LUZP2: variants seen among roughly 807,000 people sequenced by gnomAD.
LUZP2 encodes leucine zipper protein 2.
A neutral mutation model predicts 51.6 loss-of-function variants in LUZP2; 52 were observed. That is an observed-to-expected ratio of 1.01 (90% CI 0.81 to 1.27). The LOEUF is 1.27. Ranked by LOEUF, LUZP2 falls within the 50% of genes most tolerant of loss-of-function variation. The pLI, the probability that LUZP2 is intolerant of heterozygous loss-of-function variation, is 0.00. For missense variants in LUZP2, 436 were observed against 395.4 expected, an observed-to-expected ratio of 1.10 and a Z score of -0.87; for synonymous variants, 154 against 137.3, an observed-to-expected ratio of 1.12 and a Z score of -0.85.
chr11:24,860,590 G>C (rs974520320), intron 5 of LUZP2, among the ~76,000 whole-genome samples: 2 of 152,136 alleles, frequency 1.3e-5, no homozygotes, highest in Admixed American at 6.5e-5. Flanking sequence ...AGAAGGAGCA[G>C]ACACCCATCT....
chr11:24,646,561 G>T, intron 1 of LUZP2: 1 of 984,014 alleles, frequency 1.0e-6, no homozygotes, highest in Non-Finnish European at 1.2e-6. Context: ...GACTGCTTCT[G>T]CTGGAACCTC....
At chr11:24,962,517 A>G (rs1855444748) in intron 7 of LUZP2, among the ~76,000 whole-genome samples, 1 of 152,040 alleles carries the variant, frequency 6.6e-6, no homozygotes, top group Non-Finnish European at 1.5e-5. Flanking sequence ...CATTCATTTC[A>G]TCTTCCATCA....
chr11:24,707,739 A>G (rs1370024836), intron 1 of LUZP2, among the ~76,000 whole-genome samples: 1 of 152,174 alleles, frequency 6.6e-6, no homozygotes, highest in Non-Finnish European at 1.5e-5. Context: ...ATACTCACCA[A>G]CATTGGTAAG....
chr11:24,503,799 T>C (rs2133756841), intron 1 of LUZP2, among the ~76,000 whole-genome samples: 1 of 152,288 alleles, frequency 6.6e-6, no homozygotes, highest in South Asian at 2.1e-4. Flanking sequence ...AGCTATTCTG[T>C]AATTAAGCAA....
chr11:24,803,027 G>A (rs1452475052), intron 5 of LUZP2, among the ~76,000 whole-genome samples: 1 of 151,874 alleles, frequency 6.6e-6, no homozygotes, highest in Non-Finnish European at 1.5e-5. Flanking sequence ...ATTTGTTATA[G>A]CATCAAAAAC....
At chr11:24,792,380 T>C (rs908097554) in intron 5 of LUZP2, among the ~76,000 whole-genome samples, 6 of 151,852 alleles carry the variant, frequency 4.0e-5, no homozygotes, top group Admixed American at 6.6e-5. Context: ...TGAGCCAAGA[T>C]TGCACCACTG....
intron 5 of LUZP2, among the ~76,000 whole-genome samples, chr11:24,808,686 G>T (rs1464567652): frequency 1.3e-5 from 2 of 152,036 alleles, no homozygotes; most frequent in Non-Finnish European, 2.9e-5. Context: ...GTGCAAGTTG[G>T]TCTCCACCTT....
At chr11:24,574,453 G>A (rs1017931166) in intron 1 of LUZP2, among the ~76,000 whole-genome samples, 1 of 150,804 alleles carries the variant, frequency 6.6e-6, no homozygotes, top group African/African-American at 2.4e-5. Context: ...ATTTGTGTGA[G>A]TATGTATGTG....
chr11:24,916,185 C>T (rs1853784055), intron 7 of LUZP2, among the ~76,000 whole-genome samples: 1 of 151,876 alleles, frequency 6.6e-6, no homozygotes, highest in Non-Finnish European at 1.5e-5. Flanking sequence ...AAGTACAAAT[C>T]CTTCACTAAA....
At chr11:24,730,105 A>AATAATG (rs1363210993) in intron 2 of LUZP2, among the ~76,000 whole-genome samples, 5 of 151,640 alleles carry the variant, frequency 3.3e-5, no homozygotes, top group African/African-American at 1.2e-4. Flanking sequence ...TTAAGATGAT[A>AATAATG]ATAATGATAA....
intron 5 of LUZP2, among the ~76,000 whole-genome samples, chr11:24,872,100 C>T (rs564934286): frequency 1.1e-4 from 16 of 151,972 alleles, no homozygotes; most frequent in Non-Finnish European, 1.9e-4. Context: ...GTATATTGTC[C>T]GGGTTCTGAT....
At chr11:25,043,570 A>ATCCAGGATATATGAGATATATGTG (rs1858147681) in intron 9 of LUZP2, among the ~76,000 whole-genome samples, 1 of 151,978 alleles carries the variant, frequency 6.6e-6, no homozygotes, top group South Asian at 2.1e-4. Context: ...GGATATATGT[A>ATCCAGGATATATGAGATATATGTG]TCCAGGATAT....
intron 5 of LUZP2, among the ~76,000 whole-genome samples, chr11:24,903,798 G>A (rs1853353077): frequency 6.6e-6 from 1 of 152,148 alleles, no homozygotes; most frequent in South Asian, 2.1e-4. Flanking sequence ...CGAGGGGTTG[G>A]ACTCAGATGG....
chr11:25,020,240 A>G (rs1302659887), intron 9 of LUZP2, among the ~76,000 whole-genome samples: 10 of 152,164 alleles, frequency 6.6e-5, no homozygotes, highest in African/African-American at 1.9e-4. Flanking sequence ...CTAGTACCAC[A>G]TATACTATTT....
At chr11:24,857,514 G>T (rs1051796451) in intron 5 of LUZP2, among the ~76,000 whole-genome samples, 2 of 150,728 alleles carry the variant, frequency 1.3e-5, no homozygotes, top group South Asian at 2.1e-4. Flanking sequence ...AAATTATGTT[G>T]CTTGGAATCC....
At chr11:24,521,636 C>T (rs1037784126) in intron 1 of LUZP2, among the ~76,000 whole-genome samples, 1 of 151,992 alleles carries the variant, frequency 6.6e-6, no homozygotes, top group Non-Finnish European at 1.5e-5. Flanking sequence ...ATAGAAGTTA[C>T]CACATTTAGC....
intron 5 of LUZP2, among the ~76,000 whole-genome samples, chr11:24,789,807 A>G (rs532996596): frequency 2.6e-5 from 4 of 152,302 alleles, no homozygotes; most frequent in African/African-American, 9.6e-5. Flanking sequence ...GGCTTCTTGT[A>G]TAAGGGCACT....
At chr11:24,848,050 G>T (rs1262741343) in intron 5 of LUZP2, among the ~76,000 whole-genome samples, 1 of 152,036 alleles carries the variant, frequency 6.6e-6, no homozygotes, top group African/African-American at 2.4e-5. Context: ...GGTAATTTTA[G>T]TAGGAGAGAG....
intron 7 of LUZP2, among the ~76,000 whole-genome samples, chr11:24,976,336 G>A (rs1855879677): frequency 6.6e-6 from 1 of 151,968 alleles, no homozygotes; most frequent in African/African-American, 2.4e-5. Context: ...CTTGAAATTA[G>A]ATGTTTTGGT....
Sources: allele counts gnomAD v4.1 joint callset (sites outside exome capture counted in the v4.1 genomes callset), GRCh38; gene constraint gnomAD v4.1.1; transcripts MANE v1.5; gene names NCBI Gene and HGNC (gene_info 2026-07-23, HGNC 2026-07-21).